Variants in PHF14 observed in about 807,000 individuals in gnomAD.
The protein encoded by PHF14 is PHD finger protein 14.
In PHF14, 55 loss-of-function variants were observed where a neutral mutation model predicts 117.9. That is an observed-to-expected ratio of 0.47 (90% CI 0.38 to 0.58). The LOEUF (loss-of-function observed/expected upper bound fraction) is 0.58. Among genes scored for constraint, PHF14 ranks in the 20% least tolerant of loss-of-function variants. PHF14 has a pLI of 0.00. For synonymous variants in PHF14, 409 were observed against 368.6 expected, an observed-to-expected ratio of 1.11 and a Z score of -1.26; for missense variants, 978 against 1,122.2, an observed-to-expected ratio of 0.87 and a Z score of 1.84.
intron 1 of PHF14, 22 bp downstream of exon 1, chr7:10,974,346 G>A (rs754041042): frequency 1.9e-6 from 3 of 1,582,496 alleles, no homozygotes; most frequent in Non-Finnish European, 2.6e-6. Flanking sequence ...CGAGGCCTCT[G>A]CGGCGAGAGG....
At chr7:11,081,483 TTTGACC>T (rs1252490514) in intron 16 of PHF14, among the ~76,000 whole-genome samples, 2 of 152,174 alleles carry the variant, frequency 1.3e-5, no homozygotes, top group Non-Finnish European at 2.9e-5. Flanking sequence ...CATCCTCTTA[TTTGACC>T]CCTTATTCAG....
intron 17 of PHF14, among the ~76,000 whole-genome samples, chr7:11,162,927 T>C (rs1422731310): frequency 6.6e-6 from 1 of 152,114 alleles, no homozygotes. Context: ...CTCAATCTGC[T>C]CCAGAATCAT....
chr7:11,031,674 T>C (rs901896229), intron 7 of PHF14, among the ~76,000 whole-genome samples: 2 of 151,648 alleles, frequency 1.3e-5, no homozygotes, highest in Non-Finnish European at 2.9e-5. Flanking sequence ...GGATCACATA[T>C]ACCCGGGAGT....
chr7:11,093,899 A>G (rs1163577167), intron 16 of PHF14, among the ~76,000 whole-genome samples: 7 of 152,016 alleles, frequency 4.6e-5, no homozygotes, highest in Non-Finnish European at 1.0e-4. Flanking sequence ...GGGCCCAGAA[A>G]TGTTTCCTGT....
intron 16 of PHF14, among the ~76,000 whole-genome samples, chr7:11,082,165 G>A (rs532218699): frequency 2.6e-5 from 4 of 151,906 alleles, no homozygotes; most frequent in South Asian, 2.1e-4. Flanking sequence ...GCAATGTATC[G>A]AGACCTTGTC....
chr7:10,996,086 A>G (rs1340500033), intron 4 of PHF14, among the ~76,000 whole-genome samples: 1 of 152,228 alleles, frequency 6.6e-6, no homozygotes, highest in Non-Finnish European at 1.5e-5. Context: ...GCTGTCACCT[A>G]TCATTATGAT....
intron 17 of PHF14, among the ~76,000 whole-genome samples, chr7:11,121,301 T>C (rs943385761): frequency 1.3e-5 from 2 of 152,298 alleles, no homozygotes; most frequent in African/African-American, 4.8e-5. Context: ...TATAAACACA[T>C]TTAGAATTTC....
chr7:11,069,511 C>G (rs907483487), intron 16 of PHF14, among the ~76,000 whole-genome samples: 1 of 151,268 alleles, frequency 6.6e-6, no homozygotes, highest in Non-Finnish European at 1.5e-5. Flanking sequence ...ATAAACCCTT[C>G]TGGTCTGATG....
At chr7:11,156,651 C>T (rs1292563747) in intron 17 of PHF14, among the ~76,000 whole-genome samples, 27 of 151,910 alleles carry the variant, frequency 1.8e-4, no homozygotes, top group Admixed American at 1.6e-3. Flanking sequence ...AAAAATTAGC[C>T]GGGTGTAGTG....
intron 14 of PHF14, among the ~76,000 whole-genome samples, chr7:11,052,265 T>G (rs1784871809): frequency 1.3e-5 from 2 of 152,250 alleles, no homozygotes; most frequent in Admixed American, 1.3e-4. Context: ...ATTTGATATT[T>G]TGACCAAAAT....
intron 3 of PHF14, among the ~76,000 whole-genome samples, chr7:10,984,397 C>G (rs373551248): frequency 6.6e-6 from 1 of 152,000 alleles, no homozygotes; most frequent in African/African-American, 2.4e-5. Context: ...CTAATTCTTA[C>G]CTTTAAAGGA....
intron 17 of PHF14, among the ~76,000 whole-genome samples, chr7:11,136,997 A>G (rs1174899672): frequency 6.6e-6 from 1 of 152,262 alleles, no homozygotes; most frequent in Admixed American, 6.5e-5. Context: ...ACCTTAATAT[A>G]TAAGACATAT....
intron 14 of PHF14, among the ~76,000 whole-genome samples, chr7:11,053,945 A>G (rs551619131): frequency 1.6e-4 from 25 of 152,052 alleles, no homozygotes; most frequent in Admixed American, 3.3e-4. Context: ...CCAGGGAAAG[A>G]GTCCATGACC....
intron 17 of PHF14, among the ~76,000 whole-genome samples, chr7:11,149,341 A>T (rs1178470517): frequency 2.6e-5 from 4 of 152,166 alleles, no homozygotes; most frequent in Non-Finnish European, 4.4e-5. Context: ...ACTACAACTT[A>T]GGAGACATAA....
At chr7:11,043,032 C>T (rs1307106359) in intron 13 of PHF14, among the ~76,000 whole-genome samples, 1 of 151,802 alleles carries the variant, frequency 6.6e-6, no homozygotes, top group Non-Finnish European at 1.5e-5. Context: ...GCAATAGATT[C>T]TTCTTTAAGG....
At chr7:11,045,845 C>T (rs1386989304) in intron 13 of PHF14, among the ~76,000 whole-genome samples, 1 of 152,182 alleles carries the variant, frequency 6.6e-6, no homozygotes, top group Non-Finnish European at 1.5e-5. Context: ...GAGAAGACAG[C>T]AGATGGTTGG....
chr7:11,048,193 T>C (rs1784739556), intron 13 of PHF14, among the ~76,000 whole-genome samples: 1 of 152,178 alleles, frequency 6.6e-6, no homozygotes, highest in Non-Finnish European at 1.5e-5. Context: ...GCTAAATTAA[T>C]AGATAATAGC....
intron 4 of PHF14, among the ~76,000 whole-genome samples, chr7:10,995,049 C>A (rs531374442): frequency 1.3e-5 from 2 of 152,242 alleles, no homozygotes; most frequent in African/African-American, 4.8e-5. Context: ...TTTACAATCC[C>A]TGAGATAGAC....
chr7:11,106,746 C>T, intron 16 of PHF14: 2 of 983,474 alleles, frequency 2.0e-6, no homozygotes, highest in Non-Finnish European at 2.4e-6. Context: ...TTTTTTTGAA[C>T]ATTCTTGTGA....
Sources: allele counts gnomAD v4.1 joint callset (sites outside exome capture counted in the v4.1 genomes callset), GRCh38; gene constraint gnomAD v4.1.1; transcripts MANE v1.5; gene names NCBI Gene and HGNC (gene_info 2026-07-23, HGNC 2026-07-21).